The following NCOA2 variants were observed in gnomAD, a reference collection of about 807,000 sequenced individuals.
NCOA2 encodes the protein nuclear receptor coactivator 2, also known as class E basic helix-loop-helix protein 75.
A neutral mutation model predicts 145.1 loss-of-function variants in NCOA2; 21 were observed. The observed-to-expected ratio is 0.14, with a 90% CI of 0.10 to 0.21. The LOEUF (loss-of-function observed/expected upper bound fraction) is 0.21. Among genes scored for constraint, NCOA2 ranks in the 10% least tolerant of loss-of-function variants. NCOA2 has a pLI of 1.00. For synonymous variants in NCOA2, 619 were observed against 637.5 expected (o/e 0.97, Z 0.44); for missense variants, 1,472 against 1,837.6 (o/e 0.80, Z 3.64).
intron 2 of NCOA2, among the ~76,000 whole-genome samples, chr8:70,266,507 C>G (rs1824607432): frequency 6.6e-6 from 1 of 152,190 alleles, no homozygotes; most frequent in South Asian, 2.1e-4. Flanking sequence ...TTCCATTACT[C>G]TATATAAATG....
chr8:70,157,078 G>T lies in NCOA2; in HGVS notation c.1287C>A (p.Gly429=), dbSNP rs1812381592. The T allele has an allele frequency of 6.2e-7, 1 of 1,613,878 alleles. No homozygotes were observed. The highest frequency in any genetic ancestry group is 1.7e-5 in the Admixed American group (1 of 59,998). The change falls in exon 11 of 23, where the codon GGC becomes GGA. Residue 429 remains glycine (G), a synonymous_variant. Coordinates refer to ENST00000452400, the MANE Select transcript of NCOA2 (RefSeq NM_006540.4). The part of the protein sequence containing the change: ...LSSNINFPIN[G]PKEQMGMPMG... ...TGGGCATGCCCATTTGTTCCTTTGG[G>T]CCATTTATGGGAAAATTTATATTGC...
At chr8:70,392,510 G>C (rs1813296567) in intron 1 of NCOA2, among the ~76,000 whole-genome samples, 1 of 152,236 alleles carries the variant, frequency 6.6e-6, no homozygotes, top group South Asian at 2.1e-4. Context: ...ATATATTAAT[G>C]TGTGAACTGG....
chr8:70,399,438 ATAGTCT>A (rs1814010731), intron 1 of NCOA2, among the ~76,000 whole-genome samples: 2 of 152,222 alleles, frequency 1.3e-5, no homozygotes, highest in African/African-American at 4.8e-5. Context: ...GGTATGAACT[ATAGTCT>A]TATTCTTATA....
chr8:70,115,739 T>C (rs1001009889), intron 22 of NCOA2, among the ~76,000 whole-genome samples: 6 of 152,148 alleles, frequency 3.9e-5, no homozygotes, highest in Non-Finnish European at 5.9e-5. Flanking sequence ...ATACTGTAAG[T>C]TCTTATAAAA....
chr8:70,228,591 T>C (rs899606920), intron 2 of NCOA2, among the ~76,000 whole-genome samples: 2 of 152,102 alleles, frequency 1.3e-5, no homozygotes, highest in Non-Finnish European at 2.9e-5. Flanking sequence ...GAAAATTCCT[T>C]CTATTTTTTA....
In NCOA2 at chr8:70,128,441, G is replaced by C. The variant is rs1808696015; in HGVS notation, c.3673C>G (p.Pro1225Ala). 4 of 1,611,960 alleles carry C rather than the reference G, an allele frequency of 2.5e-6. No homozygotes were observed. In the East Asian group the frequency reaches 8.9e-5, roughly 36 times the overall value. ...CTGGTATGTTGCCTTACCTGTGTTG[G>C]TACTCCAGGCCTCAGAGTCAAGTTC... ...NVNLTLRPGV[P>A]TQAPINAQML... is the part of the protein sequence containing the mutation. Residue 1225 changes from proline (P) to alanine (A), a missense_variant, in exon 18 of 23, where the codon CCA becomes GCA. This residue lies in a region of NCOA2 where 953 missense variants were observed against 1,062.1 expected (regional missense o/e 0.90). Transcript: ENST00000452400.
intron 4 of NCOA2, among the ~76,000 whole-genome samples, chr8:70,193,534 C>A (rs146213475): frequency 4.6e-5 from 7 of 152,206 alleles, no homozygotes; most frequent in Middle Eastern, 3.4e-3. Flanking sequence ...TAACAATATT[C>A]CAAATAAAAT....
chr8:70,151,373 C>T (rs901821200), intron 11 of NCOA2, among the ~76,000 whole-genome samples: 2 of 151,898 alleles, frequency 1.3e-5, no homozygotes, highest in African/African-American at 2.4e-5. Flanking sequence ...CTGCAACCTC[C>T]GCCTCCCAGG....
intron 1 of NCOA2, among the ~76,000 whole-genome samples, chr8:70,336,700 A>AG (rs1386032045): frequency 6.6e-6 from 1 of 152,118 alleles, no homozygotes; most frequent in East Asian, 1.9e-4. Flanking sequence ...AAGAACTACA[A>AG]GGGGGAAATC....
chr8:70,183,725 C>T (rs1024356491), intron 4 of NCOA2, among the ~76,000 whole-genome samples: 1 of 152,200 alleles, frequency 6.6e-6, no homozygotes, highest in African/African-American at 2.4e-5. Flanking sequence ...AGGCCCCTGC[C>T]GCCGTGCTTC....
chr8:70,415,812 C>T, the NCOA2 span, among the ~76,000 whole-genome samples: 4 of 152,158 alleles, frequency 2.6e-5, no homozygotes, highest in Non-Finnish European at 4.4e-5. Flanking sequence ...CACTCATTTA[C>T]GGTAGCATTG....
intron 15 of NCOA2, among the ~76,000 whole-genome samples, chr8:70,134,243 G>A (rs1225762745): frequency 6.6e-6 from 1 of 152,222 alleles, no homozygotes; most frequent in African/African-American, 2.4e-5. Context: ...AAAGCAGTCA[G>A]GAGAGGGAGA....
At chr8:70,433,738 G>T in the NCOA2 span, among the ~76,000 whole-genome samples, 1 of 152,184 alleles carries the variant, frequency 6.6e-6, no homozygotes, top group African/African-American at 2.4e-5. Flanking sequence ...TCAAGACTTG[G>T]TCACTCGCTG....
intron 12 of NCOA2, 63 bp downstream of exon 12, chr8:70,148,210 C>T (rs768931001): frequency 3.3e-6 from 5 of 1,512,954 alleles, no homozygotes; most frequent in Non-Finnish European, 4.6e-6. Context: ...CTTCAATAAT[C>T]CCTGTTTCTG....
intron 5 of NCOA2, 85 bp from the exon 6 acceptor site, chr8:70,170,464 G>T: frequency 8.5e-7 from 1 of 1,181,194 alleles, no homozygotes; most frequent in East Asian, 2.9e-5. Context: ...TCCCTTTCAA[G>T]GAAACACAAT....
chr8:70,119,212 C>T (rs1807488266), intron 22 of NCOA2, among the ~76,000 whole-genome samples: 2 of 152,172 alleles, frequency 1.3e-5, no homozygotes, highest in Admixed American at 6.5e-5. Flanking sequence ...CTCCTGCCCT[C>T]ACAGTCACCC....
At chr8:70,453,432 G>A in the NCOA2 span, among the ~76,000 whole-genome samples, 140 of 152,308 alleles carry the variant, frequency 9.2e-4, no homozygotes, top group Non-Finnish European at 1.8e-3. Context: ...TTTGCCCAAA[G>A]GTGGCTGATA....
chr8:70,238,723 T>C (rs187188562), intron 2 of NCOA2, among the ~76,000 whole-genome samples: 2 of 152,342 alleles, frequency 1.3e-5, no homozygotes, highest in East Asian at 1.9e-4. Flanking sequence ...CCTTGAGTTA[T>C]GTCACTGGAG....
intron 2 of NCOA2, among the ~76,000 whole-genome samples, chr8:70,219,854 G>T (rs1190296889): frequency 6.6e-6 from 1 of 152,158 alleles, no homozygotes; most frequent in African/African-American, 2.4e-5. Context: ...CTGGCAGCAA[G>T]TGTCAGTATT....
Sources: allele counts gnomAD v4.1 joint callset (sites outside exome capture counted in the v4.1 genomes callset), GRCh38; gene constraint gnomAD v4.1.1; regional missense constraint gnomAD v4.1.1; transcripts MANE v1.5; gene names NCBI Gene and HGNC (gene_info 2026-07-23, HGNC 2026-07-21).